AGTPBP1: variants seen among roughly 807,000 people sequenced by gnomAD.
AGTPBP1 encodes ATP/GTP binding carboxypeptidase 1, also known as cytosolic carboxypeptidase 1.
In AGTPBP1, 70 loss-of-function variants were observed where a neutral mutation model predicts 143.9. That is an observed-to-expected ratio of 0.49 (90% CI 0.40 to 0.59). The LOEUF (loss-of-function observed/expected upper bound fraction) is 0.59, where lower values mean the gene tolerates loss of function less well. Among genes scored for constraint, AGTPBP1 ranks in the 20% least tolerant of loss-of-function variants. The pLI is 0.00. For missense variants in AGTPBP1, 1,229 were observed against 1,464.5 expected (o/e 0.84, Z 2.62); for synonymous variants, 463 against 500.2 (o/e 0.93, Z 0.99).
intron 17 of AGTPBP1, among the ~76,000 whole-genome samples, chr9:85,599,110 AACACACACACACAC>A (rs57074552): frequency 9.4e-4 from 127 of 135,494 alleles, no homozygotes; most frequent in African/African-American, 2.9e-3. Context: ...CTTGTCACTG[AACACACACACACAC>A]ACACACACAC....
intron 14 of AGTPBP1, among the ~76,000 whole-genome samples, chr9:85,627,523 T>C (rs769740979): frequency 4.0e-5 from 6 of 151,802 alleles, no homozygotes; most frequent in Non-Finnish European, 8.8e-5. Context: ...AGTGGAGGCT[T>C]TGGAGTATGC....
the AGTPBP1 span, among the ~76,000 whole-genome samples, chr9:85,765,698 C>A: frequency 6.6e-6 from 1 of 152,012 alleles, no homozygotes; most frequent in African/African-American, 2.4e-5. Context: ...CTCATCATTA[C>A]CAAACCAAGG....
chr9:85,769,949 G>C, the AGTPBP1 span, among the ~76,000 whole-genome samples: 1 of 152,186 alleles, frequency 6.6e-6, no homozygotes, highest in African/African-American at 2.4e-5. Flanking sequence ...TGGATTAGAT[G>C]ATCAGCATTT....
At chr9:85,709,734 T>A (rs1239331149) in intron 2 of AGTPBP1, among the ~76,000 whole-genome samples, 2 of 152,124 alleles carry the variant, frequency 1.3e-5, no homozygotes, top group Non-Finnish European at 2.9e-5. Flanking sequence ...GATAACAGAT[T>A]ATAGTTGGAG....
chr9:85,732,215 T>C (rs1014933299), intron 1 of AGTPBP1, among the ~76,000 whole-genome samples: 2 of 144,922 alleles, frequency 1.4e-5, no homozygotes, highest in Non-Finnish European at 3.0e-5. Flanking sequence ...TGACCCTTTT[T>C]TTTTTTTTTT....
chr9:85,791,221 A>C, the AGTPBP1 span, among the ~76,000 whole-genome samples: 3 of 152,078 alleles, frequency 2.0e-5, no homozygotes, highest in African/African-American at 7.2e-5. Flanking sequence ...CTAAAAATAC[A>C]AAATTAACCG....
At chr9:85,695,503 TG>T (rs1466529130) in intron 2 of AGTPBP1, among the ~76,000 whole-genome samples, 1 of 152,200 alleles carries the variant, frequency 6.6e-6, no homozygotes, top group Non-Finnish European at 1.5e-5. Context: ...CCAAAGGCAA[TG>T]ATGGGTACAG....
chr9:85,592,304 C>T (rs1189554457), intron 19 of AGTPBP1, among the ~76,000 whole-genome samples: 2 of 151,884 alleles, frequency 1.3e-5, no homozygotes, highest in Non-Finnish European at 2.9e-5. Flanking sequence ...TCCCATTTTA[C>T]TCCTCAAGAA....
intron 1 of AGTPBP1, among the ~76,000 whole-genome samples, chr9:85,716,561 C>T (rs367939266): frequency 6.6e-6 from 1 of 152,162 alleles, no homozygotes; most frequent in African/African-American, 2.4e-5. Context: ...TAGCTTCATC[C>T]TTGTCTCCTG....
chr9:85,781,430 C>T, the AGTPBP1 span: 1 of 1,378,866 alleles, frequency 7.3e-7, no homozygotes, highest in Non-Finnish European at 9.7e-7. Context: ...GTCATGCCAG[C>T]TTTGTAGTGT....
chr9:85,795,041 GC>G, the AGTPBP1 span, among the ~76,000 whole-genome samples: 1 of 152,128 alleles, frequency 6.6e-6, no homozygotes, highest in South Asian at 2.1e-4. Flanking sequence ...CTTAGGTGGT[GC>G]TTACCCATAC....
intron 17 of AGTPBP1, among the ~76,000 whole-genome samples, chr9:85,612,162 TC>T (rs1830352706): frequency 6.6e-6 from 1 of 152,160 alleles, no homozygotes; most frequent in African/African-American, 2.4e-5. Context: ...TCTTAGAACT[TC>T]CTGGTGATAG....
intron 2 of AGTPBP1, among the ~76,000 whole-genome samples, chr9:85,701,526 G>A (rs1198929545): frequency 1.3e-5 from 2 of 152,078 alleles, no homozygotes; most frequent in South Asian, 2.1e-4. Flanking sequence ...CACTGCACCC[G>A]GCCAACTTTT....
intron 14 of AGTPBP1, among the ~76,000 whole-genome samples, chr9:85,628,844 TAA>T (rs1476855548): frequency 6.6e-6 from 1 of 152,086 alleles, no homozygotes; most frequent in African/African-American, 2.4e-5. Flanking sequence ...GGTGCCCGAG[TAA>T]CTGGGACTAC....
chr9:85,765,107 A>G, the AGTPBP1 span: 6 of 490,464 alleles, frequency 1.2e-5, no homozygotes, highest in Non-Finnish European at 1.9e-5. Flanking sequence ...CTAGAGACTG[A>G]GATATCCTTA....
Position 85,649,395 on chromosome 9 carries a change from T to C in AGTPBP1, c.1088-2977A>G, listed in dbSNP as rs1012586869. 2.6e-5 allele frequency among the ~76,000 whole-genome samples: 4 copies of C among 152,324 alleles called. No homozygotes were observed. The South Asian group carries it at 6.2e-4, about 24-fold the overall frequency. On this transcript the variant is annotated intron_variant, in intron 11 of 25. Transcript: ENST00000357081. Reference sequence around the variant, plus strand: ...TTTTGTTGATACACATATACACACGTAGAGGAAGGCTATTTAATTTTATTC... The same window carrying C: ...TTTTGTTGATACACATATACACACGCAGAGGAAGGCTATTTAATTTTATTC...
chr9:85,760,353 C>A, the AGTPBP1 span, among the ~76,000 whole-genome samples: 1 of 151,954 alleles, frequency 6.6e-6, no homozygotes, highest in Non-Finnish European at 1.5e-5. Context: ...TGATGAACAT[C>A]GATGCAAAAA....
intron 25 of AGTPBP1, among the ~76,000 whole-genome samples, chr9:85,549,367 C>T (rs183204927): frequency 2.0e-5 from 3 of 152,216 alleles, no homozygotes; most frequent in Admixed American, 2.0e-4. Context: ...TGTTGGGTAG[C>T]TGGGCAGGGA....
chr9:85,554,546 G>A (rs1030405151), intron 25 of AGTPBP1, among the ~76,000 whole-genome samples: 1 of 152,092 alleles, frequency 6.6e-6, no homozygotes, highest in Non-Finnish European at 1.5e-5. Flanking sequence ...GTTCAAAGAG[G>A]TTTCATACAT....
Sources: allele counts gnomAD v4.1 joint callset (sites outside exome capture counted in the v4.1 genomes callset), GRCh38; gene constraint gnomAD v4.1.1; transcripts MANE v1.5; gene names NCBI Gene and HGNC (gene_info 2026-07-23, HGNC 2026-07-21).